ANAPC10: variants seen among roughly 807,000 people sequenced by gnomAD.
ANAPC10 encodes anaphase promoting complex subunit 10, also known as anaphase-promoting complex subunit 10.
Under a neutral mutation model 22.0 loss-of-function variants are expected in ANAPC10, and 12 were observed. The observed-to-expected ratio is 0.55, with a 90% CI of 0.35 to 0.88. ANAPC10 has a LOEUF of 0.88. Among genes scored for constraint, ANAPC10 ranks in the 40% least tolerant of loss-of-function variants. The pLI is 0.01. For missense variants in ANAPC10, 188 were observed against 220.9 expected, an observed-to-expected ratio of 0.85 and a Z score of 0.94; for synonymous variants, 65 against 69.5, an observed-to-expected ratio of 0.94 and a Z score of 0.32.
intron 2 of ANAPC10, among the ~76,000 whole-genome samples, chr4:145,090,717 G>A (rs1393461847): frequency 6.6e-6 from 1 of 152,184 alleles, no homozygotes; most frequent in Non-Finnish European, 1.5e-5. Context: ...ACCTTACTGA[G>A]ATAACTGGTT....
chr4:145,034,546 TG>T (rs1738194675), intron 4 of ANAPC10, among the ~76,000 whole-genome samples: 1 of 129,450 alleles, frequency 7.7e-6, no homozygotes, highest in Admixed American at 8.2e-5. Context: ...TATATATATG[TG>T]TGTGTGTGTG....
At chr4:144,998,755 A>T (rs1056249190) in intron 4 of ANAPC10, among the ~76,000 whole-genome samples, 1 of 152,196 alleles carries the variant, frequency 6.6e-6, no homozygotes, top group African/African-American at 2.4e-5. Context: ...GAAGGCAAAA[A>T]ATAACTAAGA....
chr4:145,001,733 C>T (rs1732603239), intron 4 of ANAPC10, among the ~76,000 whole-genome samples: 1 of 152,120 alleles, frequency 6.6e-6, no homozygotes, highest in Non-Finnish European at 1.5e-5. Context: ...GTGGTGTAAA[C>T]AGGATCCATT....
intron 3 of ANAPC10, among the ~76,000 whole-genome samples, chr4:145,071,554 A>C (rs1579106244): frequency 6.6e-6 from 1 of 152,200 alleles, no homozygotes; most frequent in Non-Finnish European, 1.5e-5. Flanking sequence ...CCATCTCAAC[A>C]GAATAAAGAA....
chr4:145,015,534 A>C (rs1734984945), intron 4 of ANAPC10, among the ~76,000 whole-genome samples: 1 of 151,258 alleles, frequency 6.6e-6, no homozygotes, highest in South Asian at 2.1e-4. Flanking sequence ...TAATCAAGGA[A>C]AACTTCCTGG....
chr4:145,093,690 T>G (rs978658727), intron 2 of ANAPC10, among the ~76,000 whole-genome samples: 3 of 151,838 alleles, frequency 2.0e-5, no homozygotes, highest in Non-Finnish European at 4.4e-5. Context: ...ATATCACAGA[T>G]GAAAAATTTC....
intron 4 of ANAPC10, among the ~76,000 whole-genome samples, chr4:145,015,542 T>C (rs1481841019): frequency 1.3e-5 from 2 of 149,916 alleles, no homozygotes; most frequent in Admixed American, 1.3e-4. Context: ...GAAAACTTCC[T>C]GGCCTTGCTA....
chr4:145,044,225 T>C (rs928164992), intron 4 of ANAPC10, among the ~76,000 whole-genome samples: 2 of 152,122 alleles, frequency 1.3e-5, no homozygotes, highest in African/African-American at 2.4e-5. Flanking sequence ...ATACTCATTA[T>C]AGCAATGTGT....
chr4:145,035,957 T>A (rs1461167486), intron 4 of ANAPC10, among the ~76,000 whole-genome samples: 1 of 152,110 alleles, frequency 6.6e-6, no homozygotes. Flanking sequence ...CCAGAAAAAA[T>A]GTGGAACTGA....
chr4:145,014,142 A>G (rs1734755502), intron 4 of ANAPC10, among the ~76,000 whole-genome samples: 1 of 152,126 alleles, frequency 6.6e-6, no homozygotes, highest in African/African-American at 2.4e-5. Flanking sequence ...CAGGTGGAGG[A>G]AGAACTAAAA....
intron 4 of ANAPC10, 135 bp from the exon 5 acceptor site, chr4:144,995,738 T>C (rs1731513152): frequency 1.5e-6 from 1 of 652,616 alleles, no homozygotes; most frequent in African/African-American, 1.8e-5. Context: ...TAATAATCAC[T>C]ACCAGTTATT....
At chr4:145,055,788 T>C (rs1040295627) in intron 4 of ANAPC10, among the ~76,000 whole-genome samples, 1 of 152,156 alleles carries the variant, frequency 6.6e-6, no homozygotes, top group African/African-American at 2.4e-5. Flanking sequence ...ATTTAATGAC[T>C]ATGATTTTTG....
chr4:145,009,892 A>G (rs561555965), intron 4 of ANAPC10, among the ~76,000 whole-genome samples: 184 of 152,334 alleles, frequency 1.2e-3, no homozygotes, highest in African/African-American at 4.3e-3. Flanking sequence ...GGCAACCTAC[A>G]AAATGGGAGA....
chr4:145,009,510 T>G (rs1003937097), intron 4 of ANAPC10, among the ~76,000 whole-genome samples: 1 of 152,114 alleles, frequency 6.6e-6, no homozygotes, highest in Middle Eastern at 3.4e-3. Flanking sequence ...GCCTCAGAAA[T>G]AATACCACAC....
intron 4 of ANAPC10, among the ~76,000 whole-genome samples, chr4:145,061,475 G>A (rs1742879927): frequency 6.6e-6 from 1 of 152,060 alleles, no homozygotes; most frequent in Non-Finnish European, 1.5e-5. Context: ...GATTACATGA[G>A]GTCTTGAACT....
chr4:145,029,198 A>C lies in ANAPC10; in HGVS notation c.328-33595T>G, dbSNP rs6843258. Reference sequence around the variant, plus strand: ...GTTTTTTGCCAGAAGAAAGAGCTTCACCATCCCCAGTAGTGGCAACATCCC... The same window carrying C: ...GTTTTTTGCCAGAAGAAAGAGCTTCCCCATCCCCAGTAGTGGCAACATCCC... On this transcript the variant is annotated intron_variant, in intron 4 of 4. Coordinates refer to ENST00000507656, the MANE Select transcript of ANAPC10 (RefSeq NM_001256706.2). Among the ~76,000 whole-genome samples, 668 of 152,232 alleles carry C rather than the reference A, an allele frequency of 4.4e-3. 3 individuals are homozygous for C. The highest frequency in any genetic ancestry group is 0.015 in the African/African-American group (614 of 41,520).
At chr4:145,023,399 C>G (rs896582233) in intron 4 of ANAPC10, among the ~76,000 whole-genome samples, 1 of 152,138 alleles carries the variant, frequency 6.6e-6, no homozygotes, top group Non-Finnish European at 1.5e-5. Flanking sequence ...TCAGCTTTAT[C>G]TTGAACAGTC....
chr4:145,059,344 G>C (rs1456298235), intron 4 of ANAPC10, among the ~76,000 whole-genome samples: 2 of 152,092 alleles, frequency 1.3e-5, no homozygotes, highest in Non-Finnish European at 2.9e-5. Context: ...GACACAAGTA[G>C]AGAGCGAAAG....
intron 4 of ANAPC10, among the ~76,000 whole-genome samples, chr4:145,012,645 T>C (rs536594480): frequency 6.6e-6 from 1 of 152,320 alleles, no homozygotes; most frequent in East Asian, 1.9e-4. Context: ...ATGACATTTA[T>C]TAAGGAAACT....
Sources: allele counts gnomAD v4.1 joint callset (sites outside exome capture counted in the v4.1 genomes callset), GRCh38; gene constraint gnomAD v4.1.1; transcripts MANE v1.5; gene names NCBI Gene and HGNC (gene_info 2026-07-23, HGNC 2026-07-21).